The following PILRA variants were observed in gnomAD, a reference collection of about 807,000 sequenced individuals.
PILRA encodes the protein paired immunoglobulin-like type 2 receptor alpha.
In PILRA, 37 loss-of-function variants were observed where a neutral mutation model predicts 33.1. The ratio of observed to expected loss-of-function variants is 1.12; its 90% CI spans 0.86 to 1.47. The LOEUF (loss-of-function observed/expected upper bound fraction) is 1.47, where lower values mean the gene tolerates loss of function less well. PILRA is among the 40% of genes most tolerant of loss of function. The probability of loss-of-function intolerance (pLI) is 0.00; values close to 1 mark genes in which losing one functional copy is unlikely to be tolerated. For synonymous variants in PILRA, 146 were observed against 149.9 expected (o/e 0.97, Z 0.19); for missense variants, 312 against 376.2 (o/e 0.83, Z 1.41).
chr7:100,399,951 A>G lies in PILRA; in HGVS notation c.*44A>G, dbSNP rs1791626851. On this transcript the variant is annotated 3_prime_UTR_variant, in exon 7 of 7. Coordinates refer to ENST00000198536, the MANE Select transcript of PILRA (RefSeq NM_013439.3). ...AAGACTGAATGGTGAGGCCAGGTAC[A>G]GTGGCGCACACCTGTAATCCCAGCT... is the stretch of plus-strand genomic sequence containing the variant. The G allele has an allele frequency of 5.9e-6, 9 of 1,536,620 alleles. No individual in the cohort carries two copies. Among genetic ancestry groups the G allele is most frequent in the East Asian group, 4.5e-5 (2 of 43,998 alleles).
intron 3 of PILRA, among the ~76,000 whole-genome samples, chr7:100,395,735 G>C (rs1054773076): frequency 6.6e-6 from 1 of 152,094 alleles, no homozygotes; most frequent in Admixed American, 6.6e-5. Flanking sequence ...CAAGTGTTGG[G>C]AAGAATGTGA....
rs762759580 is a variant in PILRA, at chr7:100,373,721, G to C, written c.64+1G>C. ...CTGCCGCCAGCATTTCTGCAGCCTA[G>C]TGAGTACCCAGGACCACCCAGATGT... On this transcript the variant is annotated splice_donor_variant, in intron 1 of 6. Transcript: ENST00000198536. LOFTEE classifies it high-confidence loss of function. 3.1e-6 allele frequency: 5 copies of C among 1,613,050 alleles called. No homozygotes were observed. In the Admixed American group the frequency reaches 5.0e-5, roughly 16 times the overall value.
intron 2 of PILRA, among the ~76,000 whole-genome samples, chr7:100,381,651 G>A (rs1267840246): frequency 4.6e-5 from 7 of 152,194 alleles, no homozygotes; most frequent in Admixed American, 4.6e-4. Context: ...CCTTCATCCC[G>A]CCGCTGCACA....
chr7:100,387,960 G>A (rs1369918614), intron 2 of PILRA, among the ~76,000 whole-genome samples: 1 of 151,810 alleles, frequency 6.6e-6, no homozygotes, highest in African/African-American at 2.4e-5. Flanking sequence ...CCTGTTTGGG[G>A]TTTTTTCTTT....
At chr7:100,382,083 C>T (rs976647568) in intron 2 of PILRA, among the ~76,000 whole-genome samples, 5 of 151,830 alleles carry the variant, frequency 3.3e-5, no homozygotes, top group South Asian at 2.1e-4. Flanking sequence ...CCACGGCGCC[C>T]GGTCCCATCG....
Position 100,389,879 on chromosome 7 carries a change from T to G in PILRA, c.455-9T>G, listed in dbSNP as rs549101404. The stretch of plus-strand genomic sequence containing the variant: ...GGGGAGGGTCTGCTCATTCCTCATC[T>G]CTCCCCAGCTGTCACGACCACCACC... On this transcript the variant is annotated splice_polypyrimidine_tract_variant and intron_variant, in intron 2 of 6. Transcript: ENST00000198536. The G allele has an allele frequency of 3.1e-6, 5 of 1,611,050 alleles. No homozygotes were observed. In the African/African-American group the frequency reaches 6.7e-5, roughly 22 times the overall value.
rs779939733 is a variant in PILRA at position 100,399,597 on chromosome 7, C to G, written c.774C>G (p.Pro258=). The G allele has an allele frequency of 6.2e-7, 1 of 1,614,120 alleles. No homozygotes were observed. The highest frequency in any genetic ancestry group is 1.1e-5 in the South Asian group (1 of 91,078). The part of the protein sequence containing the change: ...NIRNEGQNTD[P]KLNPKDDGIV... ...TATTCTTAGGACAAAATACAGATCCCAAGCTAAATCCCAAGGTAAGCAATC... is the reference window on the plus strand; with the variant it reads ...TATTCTTAGGACAAAATACAGATCCGAAGCTAAATCCCAAGGTAAGCAATC... Residue 258 remains proline (P), a synonymous_variant, in exon 6 of 7, where the codon CCC becomes CCG. Transcript: ENST00000198536.
chr7:100,378,059 T>C (rs994142883), intron 2 of PILRA, among the ~76,000 whole-genome samples: 1 of 152,088 alleles, frequency 6.6e-6, no homozygotes, highest in Non-Finnish European at 1.5e-5. Flanking sequence ...CCTCAAAAAC[T>C]TTTTTAGGCT....
At chr7:100,371,355 T>G (rs1176124720), upstream of PILRA, among the ~76,000 whole-genome samples, 1 of 152,228 alleles carries the variant, frequency 6.6e-6, no homozygotes, top group African/African-American at 2.4e-5. Flanking sequence ...TGTAAAGGCC[T>G]TTTGGCTATT....
chr7:100,375,290 T>C (rs1038229158), intron 2 of PILRA, among the ~76,000 whole-genome samples: 2 of 152,192 alleles, frequency 1.3e-5, no homozygotes, highest in African/African-American at 2.4e-5. Context: ...AATCGCTTCG[T>C]GTGCATTGCC....
At chr7:100,373,866 C>T in intron 1 of PILRA, 146 bp downstream of exon 1, 3 of 1,268,188 alleles carry the variant, frequency 2.4e-6, no homozygotes, top group South Asian at 1.4e-5. Context: ...GTGACCCCAT[C>T]CTCTCCCCCT....
At chr7:100,380,162 C>T (rs1461682448) in intron 2 of PILRA, among the ~76,000 whole-genome samples, 2 of 152,190 alleles carry the variant, frequency 1.3e-5, no homozygotes, top group African/African-American at 4.8e-5. Context: ...ACTGGCAAGG[C>T]GACTGGGGTC....
At chr7:100,375,800 A>G (rs1790932954) in intron 2 of PILRA, among the ~76,000 whole-genome samples, 1 of 152,210 alleles carries the variant, frequency 6.6e-6, no homozygotes, top group Non-Finnish European at 1.5e-5. Flanking sequence ...TTCTCACCTA[A>G]CCTCTAGCTA....
At chr7:100,399,004 C>T (rs1019729995) in intron 4 of PILRA, among the ~76,000 whole-genome samples, 1 of 151,842 alleles carries the variant, frequency 6.6e-6, no homozygotes, top group Non-Finnish European at 1.5e-5. Context: ...TGCAGTGGCG[C>T]AATCATAGCT....
At chr7:100,393,637 C>A (rs1333113597) in intron 3 of PILRA, among the ~76,000 whole-genome samples, 1 of 152,068 alleles carries the variant, frequency 6.6e-6, no homozygotes, top group East Asian at 1.9e-4. Flanking sequence ...TTTTTTTCCT[C>A]TTGTAAACAG....
intron 3 of PILRA, 94 bp from the exon 4 acceptor site, chr7:100,397,784 TA>T: frequency 7.5e-7 from 1 of 1,336,868 alleles, no homozygotes; most frequent in Non-Finnish European, 1.1e-6. Flanking sequence ...CCGGTCCCTC[TA>T]AGGAGGGCCT....
At chr7:100,398,183 C>T (rs1310874593) in intron 4 of PILRA, among the ~76,000 whole-genome samples, 2 of 152,160 alleles carry the variant, frequency 1.3e-5, no homozygotes, top group Non-Finnish European at 2.9e-5. Flanking sequence ...CCCATCTGTG[C>T]CCTCTGCCTG....
upstream of PILRA, among the ~76,000 whole-genome samples, chr7:100,371,694 C>T (rs1292877034): frequency 6.6e-6 from 1 of 152,200 alleles, no homozygotes; most frequent in African/African-American, 2.4e-5. Flanking sequence ...GGAATCATGC[C>T]CTCCTCCAGG....
chr7:100,378,704 A>G (rs78543000), intron 2 of PILRA, among the ~76,000 whole-genome samples: 1 of 151,796 alleles, frequency 6.6e-6, no homozygotes, highest in Non-Finnish European at 1.5e-5. Flanking sequence ...CTGTCTCAGG[A>G]AAAAAAAGAA....
Sources: gnomAD v4.1 joint callset for allele counts (sites outside exome capture counted in the v4.1 genomes callset) on GRCh38, gnomAD v4.1.1 for gene constraint, MANE v1.5 for transcripts, NCBI Gene and HGNC (gene_info 2026-07-23, HGNC 2026-07-21) for gene names.